PARVA: variants seen among roughly 807,000 people sequenced by gnomAD.
The protein encoded by PARVA is alpha-parvin.
Under a neutral mutation model 52.6 loss-of-function variants are expected in PARVA, and 25 were observed. That is an observed-to-expected ratio of 0.48 (90% CI 0.35 to 0.66). The LOEUF (loss-of-function observed/expected upper bound fraction) is 0.66. PARVA is among the 30% of genes least tolerant of loss of function. The pLI is 0.01. For missense variants in PARVA, 373 were observed against 450.9 expected (o/e 0.83, Z 1.56); for synonymous variants, 185 against 179.1 (o/e 1.03, Z -0.26).
chr11:12,377,846 G>C (rs1565320840), intron 1 of PARVA, 63 bp downstream of exon 1: 4 of 1,306,638 alleles, frequency 3.1e-6, no homozygotes, highest in Middle Eastern at 2.3e-4. Flanking sequence ...GGGCCGAGGG[G>C]CCGGGGCACT....
chr11:12,515,352 G>A (rs1051771542), intron 10 of PARVA, among the ~76,000 whole-genome samples: 2 of 152,152 alleles, frequency 1.3e-5, no homozygotes, highest in Non-Finnish European at 2.9e-5. Context: ...CTCCACCTGA[G>A]TGTGTCTAGA....
intron 6 of PARVA, among the ~76,000 whole-genome samples, chr11:12,504,776 T>TGTGG (rs1283468971): frequency 1.1e-3 from 169 of 147,600 alleles, no homozygotes; most frequent in African/African-American, 4.1e-3. Flanking sequence ...GGTATGTGGG[T>TGTGG]GTGTGTGTGT....
chr11:12,465,914 T>C (rs1940848191), intron 1 of PARVA, among the ~76,000 whole-genome samples: 1 of 152,234 alleles, frequency 6.6e-6, no homozygotes, highest in African/African-American at 2.4e-5. Flanking sequence ...AATTATAGTT[T>C]TGTAAGAAAA....
Position 12,400,043 on chromosome 11 carries a change from G to A in PARVA, c.136+22260G>A, listed in dbSNP as rs531020557. ...ACTTGAGCCCAGGAGTTTGAGACCA[G>A]CCTGGGCAACATAGTGAGACCCAAT... On this transcript the variant is annotated intron_variant, in intron 1 of 12. Transcript: ENST00000334956. Among the ~76,000 whole-genome samples the A allele has an allele frequency of 2.0e-4, 31 of 152,154 alleles. No homozygotes were observed. The South Asian group carries it at 6.2e-3, about 31-fold the overall frequency.
chr11:12,411,043 GTACC>G (rs1939986190), intron 1 of PARVA, among the ~76,000 whole-genome samples: 1 of 152,182 alleles, frequency 6.6e-6, no homozygotes, highest in South Asian at 2.1e-4. Flanking sequence ...ACTTAGCAGA[GTACC>G]TGGCCTGGTA....
At chr11:12,482,495 G>A (rs1437207184) in intron 4 of PARVA, among the ~76,000 whole-genome samples, 10 of 151,680 alleles carry the variant, frequency 6.6e-5, no homozygotes, top group Non-Finnish European at 1.2e-4. Flanking sequence ...GCGTGGTGGT[G>A]GGCACCTGCA....
At chr11:12,430,835 C>T (rs565607789) in intron 1 of PARVA, among the ~76,000 whole-genome samples, 8 of 152,314 alleles carry the variant, frequency 5.3e-5, no homozygotes, top group African/African-American at 7.2e-5. Flanking sequence ...GAAATCCAAA[C>T]GTGCTTGACA....
At chr11:12,498,478 TTTTCA>T (rs899820733) in intron 5 of PARVA, among the ~76,000 whole-genome samples, 7 of 152,198 alleles carry the variant, frequency 4.6e-5, no homozygotes, top group African/African-American at 1.7e-4. Flanking sequence ...CTAATCTAGC[TTTTCA>T]TTTGTTTGTT....
Position 12,432,194 on chromosome 11 carries a change from T to G in PARVA, c.137-41551T>G, listed in dbSNP as rs368194699. Among the ~76,000 whole-genome samples, 7 of 152,346 alleles carry G rather than the reference T, an allele frequency of 4.6e-5. No individual in the cohort carries two copies. In the South Asian group the frequency reaches 1.0e-3, roughly 23 times the overall value. ...TTTTCCTCATTTTCTTTCTCACCTG[T>G]CTCTTGAAAAATATTGCTCACACAT... On this transcript the variant is annotated intron_variant, in intron 1 of 12. Transcript: ENST00000334956.
intron 1 of PARVA, among the ~76,000 whole-genome samples, chr11:12,378,127 C>G (rs985572543): frequency 6.6e-6 from 1 of 151,734 alleles, no homozygotes; most frequent in African/African-American, 2.4e-5. Flanking sequence ...GGCCCCAGCC[C>G]GCAGACAGTG....
At position 12,532,094 on chromosome 11, in the gene PARVA, C is replaced by T. The variant is rs758081991; in HGVS notation, c.*4169C>T. ...CTACAGTGGTGGTCGCATATGTGAA[C>T]GTGTGCATGCGTGTTCACGTGTTCA... On this transcript the variant is annotated 3_prime_UTR_variant, in exon 13 of 13. Coordinates refer to ENST00000334956, the MANE Select transcript of PARVA (RefSeq NM_018222.5). Among the ~76,000 whole-genome samples the T allele has an allele frequency of 1.3e-5, 2 of 152,102 alleles. No individual in the cohort carries two copies. Among genetic ancestry groups the T allele is most frequent in the Admixed American group, 6.5e-5 (1 of 15,272 alleles).
At chr11:12,457,730 A>C (rs1260611392) in intron 1 of PARVA, among the ~76,000 whole-genome samples, 2 of 152,386 alleles carry the variant, frequency 1.3e-5, no homozygotes, top group African/African-American at 4.8e-5. Flanking sequence ...CTGGCAGGAC[A>C]GTGGTGCACA....
chr11:12,452,193 C>T (rs1940631388), intron 1 of PARVA, among the ~76,000 whole-genome samples: 1 of 152,054 alleles, frequency 6.6e-6, no homozygotes, highest in African/African-American at 2.4e-5. Flanking sequence ...GGCCTGCCTC[C>T]AGGCAGGGCT....
chr11:12,433,502 G>GTTTTGTT (rs539722797), intron 1 of PARVA, among the ~76,000 whole-genome samples: 1 of 152,214 alleles, frequency 6.6e-6, no homozygotes, highest in East Asian at 1.9e-4. Flanking sequence ...GTTCTGTTTT[G>GTTTTGTT]TTTTGTTTTT....
intron 1 of PARVA, among the ~76,000 whole-genome samples, chr11:12,400,372 G>A (rs57827324): frequency 1.3e-5 from 2 of 152,126 alleles, no homozygotes; most frequent in East Asian, 3.9e-4. Flanking sequence ...TTGAGCACTA[G>A]AATAAAAATA....
chr11:12,474,640 C>T (rs1200644100), intron 3 of PARVA, among the ~76,000 whole-genome samples: 1 of 152,130 alleles, frequency 6.6e-6, no homozygotes, highest in Admixed American at 6.6e-5. Flanking sequence ...CGAGACCAGC[C>T]TGGGCAATGC....
intron 1 of PARVA, among the ~76,000 whole-genome samples, chr11:12,399,017 A>C (rs1939788939): frequency 6.6e-6 from 1 of 152,210 alleles, no homozygotes; most frequent in African/African-American, 2.4e-5. Context: ...CATTTTATGC[A>C]TGAATAAACT....
At chr11:12,511,425 C>T in intron 7 of PARVA, 89 bp from the exon 8 acceptor site, 3 of 1,424,962 alleles carry the variant, frequency 2.1e-6, no homozygotes, top group South Asian at 1.2e-5. Context: ...GGTGGGCTTC[C>T]AGCAGTGATG....
chr11:12,526,029 A>G (rs1329728049), intron 12 of PARVA, among the ~76,000 whole-genome samples: 1 of 152,070 alleles, frequency 6.6e-6, no homozygotes, highest in Non-Finnish European at 1.5e-5. Context: ...AAGGCTAAAT[A>G]CAGAGTGATA....
Sources: allele counts gnomAD v4.1 joint callset (sites outside exome capture counted in the v4.1 genomes callset), GRCh38; gene constraint gnomAD v4.1.1; transcripts MANE v1.5; gene names NCBI Gene and HGNC (gene_info 2026-07-23, HGNC 2026-07-21).